Variants in NUP155 observed in about 807,000 individuals in gnomAD.
NUP155 encodes the protein nucleoporin 155, also known as nuclear pore complex protein Nup155.
In NUP155, 71 loss-of-function variants were observed where a neutral mutation model predicts 180.4. That is an observed-to-expected ratio of 0.39 (90% confidence interval 0.33 to 0.48). The LOEUF (loss-of-function observed/expected upper bound fraction) is 0.48, where lower values mean the gene tolerates loss of function less well. NUP155 is among the 20% of genes least tolerant of loss of function. The pLI is 0.91. For missense variants in NUP155, 1,553 were observed against 1,648.9 expected, an observed-to-expected ratio of 0.94 and a Z score of 1.01; for synonymous variants, 582 against 559.5, an observed-to-expected ratio of 1.04 and a Z score of -0.57.
chr5:37,351,401 A>G (rs772884908), intron 5 of NUP155, 45 bp from the exon 6 acceptor site: 5 of 1,360,246 alleles, frequency 3.7e-6, no homozygotes, highest in Non-Finnish European at 5.2e-6. Flanking sequence ...GCTACTCCAC[A>G]GTTTTTAAAA....
At chr5:37,342,435 A>G (rs906051096) in intron 10 of NUP155, 114 bp downstream of exon 10, 1 of 678,578 alleles carries the variant, frequency 1.5e-6, no homozygotes, top group Admixed American at 2.7e-5. Flanking sequence ...AACTATTTAT[A>G]TGGCTTTACG....
intron 4 of NUP155, among the ~76,000 whole-genome samples, chr5:37,356,322 T>C (rs1188721820): frequency 6.6e-6 from 1 of 151,892 alleles, no homozygotes; most frequent in Non-Finnish European, 1.5e-5. Context: ...TAATTTACTC[T>C]GAACTCTGTT....
chr5:37,318,775 T>G (rs908518894), intron 20 of NUP155, among the ~76,000 whole-genome samples: 1 of 152,156 alleles, frequency 6.6e-6, no homozygotes, highest in African/African-American at 2.4e-5. Context: ...CACTGAGAGC[T>G]GTAAAGAAGA....
intron 12 of NUP155, 114 bp from the exon 13 acceptor site, chr5:37,333,747 A>C: frequency 1.4e-6 from 1 of 738,786 alleles, no homozygotes; most frequent in East Asian, 2.7e-5. Context: ...TAACATGAAT[A>C]TTTTTGAAAG....
chr5:37,331,638 T>A, intron 14 of NUP155, 47 bp downstream of exon 14: 1 of 1,026,050 alleles, frequency 9.7e-7, no homozygotes. Flanking sequence ...TGACTCCCAC[T>A]GTTTGTTTAA....
chr5:37,339,399 G>A (rs1365993810), intron 11 of NUP155, among the ~76,000 whole-genome samples: 1 of 149,836 alleles, frequency 6.7e-6, no homozygotes, highest in Non-Finnish European at 1.5e-5. Flanking sequence ...AGGCAGAGGT[G>A]GTAGGACTGC....
At chr5:37,364,635 A>AT (rs1283814747) in intron 1 of NUP155, among the ~76,000 whole-genome samples, 7 of 11,250 alleles carry the variant, frequency 6.2e-4, no homozygotes, top group South Asian at 0.015. Context: ...TGTTTATTTT[A>AT]TTTTATTTTT....
intron 20 of NUP155, among the ~76,000 whole-genome samples, chr5:37,320,773 C>T (rs1397310949): frequency 6.6e-6 from 1 of 151,790 alleles, no homozygotes; most frequent in Non-Finnish European, 1.5e-5. Context: ...ACCAAACAAA[C>T]TAAAAACATC....
rs1746476464 is a variant in NUP155, at chr5:37,351,769, A to G, written c.557-413T>C. On this transcript the variant is annotated intron_variant, in intron 5 of 34. Transcript: ENST00000231498. ...CAGCCTTACTCAATTCTTACTGACA[A>G]TTAACATAGTCAACAGCTTCTATAA... Among the ~76,000 whole-genome samples the G allele has an allele frequency of 2.6e-5, 4 of 152,076 alleles. No homozygotes were observed. In the South Asian group the frequency reaches 8.3e-4, roughly 31 times the overall value.
chr5:37,328,438 A>T lies in NUP155; in HGVS notation c.1814-18T>A. 6.5e-7 allele frequency: 1 copy of T among 1,532,080 alleles called. No homozygotes were observed. The allele number at this position is 1,532,080 out of a possible 1,614,324, so 94.9% of individuals were successfully genotyped here. On this transcript the variant is annotated intron_variant, in intron 16 of 34. Transcript: ENST00000231498. ...AGGAGAACCTAAAAAGGGAAAGAAG[A>T]ATATAAAGATTTAGAAAAGAACATC...
intron 3 of NUP155, among the ~76,000 whole-genome samples, chr5:37,362,776 T>C (rs1747304098): frequency 6.6e-6 from 1 of 152,206 alleles, no homozygotes; most frequent in Non-Finnish European, 1.5e-5. Flanking sequence ...ATCACAATCA[T>C]ACATCACTGC....
At position 37,315,838 on chromosome 5, in the gene NUP155, G is replaced by A. The variant is rs147035220; in HGVS notation, c.2306-1510C>T. 3.3e-3 allele frequency among the ~76,000 whole-genome samples: 504 copies of A among 152,320 alleles called. 1 individual carries two copies. The highest frequency in any genetic ancestry group is 5.6e-3 in the Non-Finnish European group (383 of 68,022). ...CATGCCTGTAACCACAGCTACTCGG[G>A]AGGCTGAGGCAGAATTGCTTGAACC... On this transcript the variant is annotated intron_variant, in intron 21 of 34. Transcript: ENST00000231498.
intron 9 of NUP155, among the ~76,000 whole-genome samples, chr5:37,343,408 T>C (rs555246061): frequency 6.6e-6 from 1 of 152,200 alleles, no homozygotes; most frequent in Non-Finnish European, 1.5e-5. Flanking sequence ...AATTTAAGAC[T>C]AGCTTCTTAG....
At chr5:37,300,244 C>T (rs1302557391) in intron 30 of NUP155, among the ~76,000 whole-genome samples, 1 of 152,130 alleles carries the variant, frequency 6.6e-6, no homozygotes, top group Non-Finnish European at 1.5e-5. Flanking sequence ...ATAAGCATGT[C>T]ATGGAGAATG....
At chr5:37,367,421 G>T (rs866984625) in intron 1 of NUP155, among the ~76,000 whole-genome samples, 1 of 151,536 alleles carries the variant, frequency 6.6e-6, no homozygotes, top group Non-Finnish European at 1.5e-5. Flanking sequence ...CGCCATGATG[G>T]CCAGGCTAGT....
intron 32 of NUP155, among the ~76,000 whole-genome samples, chr5:37,296,935 G>A (rs1207121096): frequency 6.6e-6 from 1 of 152,040 alleles, no homozygotes; most frequent in Non-Finnish European, 1.5e-5. Flanking sequence ...CCAGCACTAT[G>A]GGAGGCCAAG....
At chr5:37,313,942 G>GGTAAA (rs1743695690) in intron 22 of NUP155, among the ~76,000 whole-genome samples, 1 of 152,036 alleles carries the variant, frequency 6.6e-6, no homozygotes, top group Non-Finnish European at 1.5e-5. Context: ...TCAAATAAAG[G>GGTAAA]GTAAAGTCCA....
At chr5:37,353,110 T>TTATATTACAAAATATAATAGTTTAAA (rs546936774) in intron 4 of NUP155, among the ~76,000 whole-genome samples, 226 of 152,220 alleles carry the variant, frequency 1.5e-3, no homozygotes, top group African/African-American at 5.3e-3. Flanking sequence ...TTTAAAAGTG[T>TTATATTACAAAATATAATAGTTTAAA]TATATTACAA....
In NUP155 at chr5:37,292,871, A is replaced by C. The variant is rs749618327; in HGVS notation, c.4037+8T>G. 1 of 1,552,616 alleles carries C rather than the reference A, an allele frequency of 6.4e-7. No homozygotes were observed. Among genetic ancestry groups the C allele is most frequent in the Non-Finnish European group, 8.9e-7 (1 of 1,125,006 alleles). On this transcript the variant is annotated splice_region_variant and intron_variant, in intron 34 of 34. Transcript: ENST00000231498. Reference sequence around the variant, plus strand: ...CTTTTGCTGATCCAATATTTAATTCATAAGTACCTTTCACAATTTAAAACT... The same window carrying C: ...CTTTTGCTGATCCAATATTTAATTCCTAAGTACCTTTCACAATTTAAAACT...
Sources: allele counts gnomAD v4.1 joint callset (sites outside exome capture counted in the v4.1 genomes callset), GRCh38; gene constraint gnomAD v4.1.1; transcripts MANE v1.5; gene names NCBI Gene and HGNC (gene_info 2026-07-23, HGNC 2026-07-21).